Variants in ALG5 observed in about 807,000 individuals in gnomAD.
The protein encoded by ALG5 is dolichyl-phosphate beta-glucosyltransferase.
Under a neutral mutation model 51.8 loss-of-function variants are expected in ALG5, and 26 were observed. The ratio of observed to expected loss-of-function variants is 0.50; its 90% CI spans 0.37 to 0.70. The LOEUF (loss-of-function observed/expected upper bound fraction) is 0.70, where lower values mean the gene tolerates loss of function less well. Among genes scored for constraint, ALG5 ranks in the 30% least tolerant of loss-of-function variants. The pLI is 0.00. For synonymous variants in ALG5, 141 were observed against 136.1 expected (o/e 1.04, Z -0.25); for missense variants, 311 against 399.3 (o/e 0.78, Z 1.88).
chr13:36,979,209 G>A (rs1593675792), intron 6 of ALG5, among the ~76,000 whole-genome samples: 1 of 151,972 alleles, frequency 6.6e-6, no homozygotes, highest in Non-Finnish European at 1.5e-5. Context: ...GTAGAGATGG[G>A]GTTTTACCAT....
At chr13:36,976,629 T>C (rs541584190) in intron 6 of ALG5, among the ~76,000 whole-genome samples, 31 of 151,940 alleles carry the variant, frequency 2.0e-4, no homozygotes, top group African/African-American at 7.2e-4. Flanking sequence ...GCGCCTGTAG[T>C]CCCAGCTACT....
At chr13:36,978,936 A>G (rs1419350458) in intron 6 of ALG5, among the ~76,000 whole-genome samples, 2 of 151,520 alleles carry the variant, frequency 1.3e-5, no homozygotes, top group African/African-American at 2.4e-5. Context: ...AAAAAAAGGA[A>G]AAAAAAAGAA....
At chr13:36,983,235 T>C (rs957615271) in intron 6 of ALG5, among the ~76,000 whole-genome samples, 1 of 152,128 alleles carries the variant, frequency 6.6e-6, no homozygotes, top group South Asian at 2.1e-4. Context: ...AGAAAGATAA[T>C]GCAAGGGAAA....
At chr13:36,964,507 A>AGGTTTCAGAT (rs2058883329) in intron 8 of ALG5, among the ~76,000 whole-genome samples, 1 of 152,144 alleles carries the variant, frequency 6.6e-6, no homozygotes. Flanking sequence ...GCTTCTGTAC[A>AGGTTTCAGAT]ACAGTGCTAG....
At chr13:36,954,789 C>G (rs893027066) in intron 8 of ALG5, among the ~76,000 whole-genome samples, 12 of 152,054 alleles carry the variant, frequency 7.9e-5, no homozygotes, top group African/African-American at 2.9e-4. Flanking sequence ...CTAACAGATT[C>G]CTAAAGGACA....
intron 7 of ALG5, among the ~76,000 whole-genome samples, chr13:36,970,897 C>T (rs187624533): frequency 1.1e-4 from 16 of 152,136 alleles, no homozygotes; most frequent in South Asian, 2.1e-4. Context: ...GGTGACAGAG[C>T]GAGACTCTGT....
rs192000962 is a variant in ALG5, at chr13:36,966,655, G to A, written c.622-929C>T. Reference sequence around the variant, plus strand: ...CTACAGAGCAGCTGGGATCACAGGCGTGTGCCACTATACCCAGCTTCTTTA... The same window carrying A: ...CTACAGAGCAGCTGGGATCACAGGCATGTGCCACTATACCCAGCTTCTTTA... On this transcript the variant is annotated intron_variant, in intron 7 of 9. Coordinates refer to ENST00000239891, the MANE Select transcript of ALG5 (RefSeq NM_013338.5). Among the ~76,000 whole-genome samples the A allele has an allele frequency of 4.1e-3, 627 of 152,224 alleles. 5 individuals are homozygous for A. The highest frequency in any genetic ancestry group is 0.015 in the African/African-American group (611 of 41,546).
intron 2 of ALG5, 93 bp from the exon 3 acceptor site, chr13:36,995,128 C>G (rs1566068905): frequency 9.2e-7 from 1 of 1,087,192 alleles, no homozygotes; most frequent in Non-Finnish European, 1.4e-6. Flanking sequence ...TCCCAATAAT[C>G]TAACAAGCCC....
At chr13:36,991,127 G>A (rs955637213) in intron 4 of ALG5, among the ~76,000 whole-genome samples, 2 of 152,030 alleles carry the variant, frequency 1.3e-5, no homozygotes, top group Non-Finnish European at 1.5e-5. Flanking sequence ...CATTAGTACC[G>A]TGAACATTAG....
chr13:36,998,445 G>A (rs947748820), intron 1 of ALG5, among the ~76,000 whole-genome samples: 1 of 152,178 alleles, frequency 6.6e-6, no homozygotes, highest in East Asian at 1.9e-4. Context: ...GAATGTCAAG[G>A]AAGCTGAAAT....
chr13:36,961,457 A>G (rs905123399), intron 8 of ALG5, among the ~76,000 whole-genome samples: 1 of 152,178 alleles, frequency 6.6e-6, no homozygotes, highest in Non-Finnish European at 1.5e-5. Flanking sequence ...CTTACCTTGT[A>G]TGAGGTATAA....
chr13:36,991,315 C>A (rs959785993), intron 4 of ALG5, among the ~76,000 whole-genome samples: 1 of 150,840 alleles, frequency 6.6e-6, no homozygotes, highest in Non-Finnish European at 1.5e-5. Flanking sequence ...AAGTATAATT[C>A]TAATAGCAAT....
intron 9 of ALG5, among the ~76,000 whole-genome samples, chr13:36,950,885 C>T (rs1401530985): frequency 6.6e-6 from 1 of 152,132 alleles, no homozygotes; most frequent in Non-Finnish European, 1.5e-5. Context: ...TGCACCCAGC[C>T]ACAGCAGATT....
At chr13:36,964,685 C>G (rs1017599085) in intron 8 of ALG5, among the ~76,000 whole-genome samples, 6 of 151,982 alleles carry the variant, frequency 3.9e-5, no homozygotes, top group African/African-American at 1.4e-4. Context: ...CGTCTGTAAT[C>G]GCAGCACTTT....
At chr13:36,964,953 A>T (rs545031792) in intron 8 of ALG5, among the ~76,000 whole-genome samples, 22 of 152,220 alleles carry the variant, frequency 1.4e-4, no homozygotes, top group Non-Finnish European at 2.9e-4. Context: ...CATGGAAGAA[A>T]ATCCATATGA....
intron 8 of ALG5, among the ~76,000 whole-genome samples, chr13:36,957,290 C>T (rs761067346): frequency 6.6e-6 from 1 of 151,318 alleles, no homozygotes; most frequent in Admixed American, 6.6e-5. Context: ...ACCCACATGC[C>T]CAAATCTCAG....
At chr13:36,972,158 T>C in intron 6 of ALG5, 122 bp from the exon 7 acceptor site, 1 of 811,016 alleles carries the variant, frequency 1.2e-6, no homozygotes, top group Non-Finnish European at 1.9e-6. Context: ...TAAAAATCTT[T>C]TAAAGGTTTA....
chr13:36,952,502 C>A lies in ALG5; in HGVS notation c.859+12G>T, dbSNP rs2058823012. On this transcript the variant is annotated intron_variant, in intron 9 of 9. Coordinates refer to ENST00000239891, the MANE Select transcript of ALG5 (RefSeq NM_013338.5). ...TGACTCAAGACAATCATACAATAAACAATATACTCACCTTCAATTTCTGTC... is the reference window on the plus strand; with the variant it reads ...TGACTCAAGACAATCATACAATAAAAAATATACTCACCTTCAATTTCTGTC... 1.3e-6 allele frequency: 2 copies of A among 1,576,192 alleles called. No homozygotes were observed. Among genetic ancestry groups the A allele is most frequent in the East Asian group, 4.6e-5 (2 of 43,902 alleles).
intron 8 of ALG5, among the ~76,000 whole-genome samples, chr13:36,953,219 C>T (rs532691059): frequency 3.3e-4 from 50 of 152,270 alleles, no homozygotes; most frequent in African/African-American, 1.2e-3. Flanking sequence ...TTAATACATA[C>T]ATAGGAATCT....
Sources: gnomAD v4.1 joint callset for allele counts (sites outside exome capture counted in the v4.1 genomes callset) on GRCh38, gnomAD v4.1.1 for gene constraint, MANE v1.5 for transcripts, NCBI Gene and HGNC (gene_info 2026-07-23, HGNC 2026-07-21) for gene names.